The following SIRPD variants were observed in gnomAD, a reference collection of about 807,000 sequenced individuals.
SIRPD encodes the protein signal-regulatory protein delta.
In SIRPD, 21 loss-of-function variants were observed where a neutral mutation model predicts 18.0. That is an observed-to-expected ratio of 1.17 (90% CI 0.83 to 1.68). The LOEUF (loss-of-function observed/expected upper bound fraction) is 1.68. Among genes scored for constraint, SIRPD ranks in the 40% most tolerant of loss-of-function variants. The pLI, the probability that SIRPD is intolerant of heterozygous loss-of-function variation, is 0.00. For missense variants in SIRPD, 295 were observed against 238.4 expected (o/e 1.24, Z -1.56); for synonymous variants, 106 against 92.9 (o/e 1.14, Z -0.81).
chr20:1,552,091 G>T, intron 1 of SIRPD, 53 bp from the exon 2 acceptor site: 1 of 1,475,590 alleles, frequency 6.8e-7, no homozygotes, highest in Non-Finnish European at 9.4e-7. Context: ...GCTTAAGCAT[G>T]GGTACGGGTC....
Position 1,534,459 on chromosome 20 carries a change from T to G in SIRPD, c.578-18A>C, listed in dbSNP as rs1482789862. ...CAGCAAGCCTGAAATACAATAAAAA[T>G]AAAATAAAATAAAACATTTCTCCCT... On this transcript the variant is annotated intron_variant, in intron 3 of 3. Coordinates refer to ENST00000381623, the MANE Select transcript of SIRPD (RefSeq NM_178460.3). 3 of 1,599,770 alleles carry G rather than the reference T, an allele frequency of 1.9e-6. No individual in the cohort carries two copies. The highest frequency in any genetic ancestry group is 2.6e-6 in the Non-Finnish European group (3 of 1,170,556).
chr20:1,551,663 G>C (rs370029585), intron 2 of SIRPD, 28 bp downstream of exon 2: 1 of 1,524,888 alleles, frequency 6.6e-7, no homozygotes, highest in East Asian at 2.3e-5. Flanking sequence ...ATACACCAGG[G>C]GGTATGGGGT....
At chr20:1,536,402 GT>G (rs11340259) in intron 3 of SIRPD, among the ~76,000 whole-genome samples, 125,658 of 137,360 alleles carry the variant, frequency 0.91, 57,435 homozygotes, top group Middle Eastern at 0.95. Context: ...CCGGCCTGTC[GT>G]TTTTTTTTTT....
At chr20:1,542,621 A>G (rs555119892) in intron 2 of SIRPD, among the ~76,000 whole-genome samples, 115 of 152,244 alleles carry the variant, frequency 7.6e-4, no homozygotes, top group Admixed American at 1.4e-3. Context: ...CTATTTGAAT[A>G]CCCTTTATTT....
intron 2 of SIRPD, among the ~76,000 whole-genome samples, chr20:1,550,969 A>G (rs1037709545): frequency 2.0e-5 from 3 of 152,232 alleles, no homozygotes; most frequent in African/African-American, 7.2e-5. Flanking sequence ...ACACTAAGAA[A>G]AAGGCTTTGG....
chr20:1,539,445 G>T (rs1000918629), intron 2 of SIRPD, among the ~76,000 whole-genome samples: 1 of 152,208 alleles, frequency 6.6e-6, no homozygotes, highest in Non-Finnish European at 1.5e-5. Flanking sequence ...AAGGAGCTGT[G>T]TTTTTCAGTT....
intron 1 of SIRPD, among the ~76,000 whole-genome samples, chr20:1,557,175 C>G (rs890601289): frequency 6.6e-6 from 1 of 152,088 alleles, no homozygotes; most frequent in African/African-American, 2.4e-5. Flanking sequence ...ATCACTTGAG[C>G]CCAGGAGGTG....
chr20:1,540,005 G>A (rs1272132058), intron 2 of SIRPD: 1 of 223,798 alleles, frequency 4.5e-6, no homozygotes, highest in Non-Finnish European at 9.1e-6. Flanking sequence ...CACAGACACT[G>A]GGAGACAGTA....
chr20:1,552,858 T>G (rs1470139104), intron 1 of SIRPD, among the ~76,000 whole-genome samples: 5 of 152,140 alleles, frequency 3.3e-5, no homozygotes, highest in Non-Finnish European at 7.4e-5. Flanking sequence ...TGACATTATG[T>G]AACTTAAGGG....
At position 1,534,494 on chromosome 20, in the gene SIRPD, T is replaced by A. The variant is rs1269347477; in HGVS notation, c.578-53A>T. On this transcript the variant is annotated intron_variant, in intron 3 of 3. Coordinates refer to ENST00000381623, the MANE Select transcript of SIRPD (RefSeq NM_178460.3). ...TAAAACATTTCTCCCTCCTGCAAGC[T>A]AAGAGCAGACACAATTTTTAGAATA... The A allele has an allele frequency of 5.2e-6, 8 of 1,528,204 alleles. No individual in the cohort carries two copies. In the African/African-American group the frequency reaches 9.8e-5, roughly 19 times the overall value. 94.7% of individuals were successfully genotyped at this position (1,528,204 alleles called of 1,614,324 possible).
At chr20:1,535,382 A>G (rs1243961154) in intron 3 of SIRPD, among the ~76,000 whole-genome samples, 1 of 152,176 alleles carries the variant, frequency 6.6e-6, no homozygotes, top group Non-Finnish European at 1.5e-5. Flanking sequence ...TTGAAATTCA[A>G]TCCTCAATGT....
At chr20:1,539,452 AGTT>A (rs2090961247) in intron 2 of SIRPD, among the ~76,000 whole-genome samples, 1 of 152,184 alleles carries the variant, frequency 6.6e-6, no homozygotes, top group Non-Finnish European at 1.5e-5. Context: ...TGTGTTTTTC[AGTT>A]GTTGGGTGCA....
chr20:1,538,843 C>G (rs1248724230), intron 2 of SIRPD, among the ~76,000 whole-genome samples: 2 of 152,156 alleles, frequency 1.3e-5, no homozygotes, highest in Non-Finnish European at 2.9e-5. Flanking sequence ...CAACTGAGAC[C>G]CCAGGCAACA....
chr20:1,547,379 A>G (rs2090998073), intron 2 of SIRPD, among the ~76,000 whole-genome samples: 1 of 152,092 alleles, frequency 6.6e-6, no homozygotes, highest in Non-Finnish European at 1.5e-5. Context: ...CCAGTACCAC[A>G]TTATCTTGAT....
rs376805676 is a variant in SIRPD at position 1,551,761 on chromosome 20, G to T, written c.351C>A (p.Cys117Ter). The change falls in exon 2 of 4, where the codon TGC (cysteine) becomes TGA (stop). Residue 117 changes from cysteine (C) to a stop codon, truncating the protein, a stop_gained. Coordinates refer to ENST00000381623, the MANE Select transcript of SIRPD (RefSeq NM_178460.3). LOFTEE classifies it high-confidence loss of function. The part of the protein sequence containing the change: ...ISLADAGTYY[C>*]VKFIKGRAIK... ...TAGCTCTTCCTTTTATGAACTTCAC[G>T]CAGTAATAGGTGCCAGCATCAGCAA... The T allele has an allele frequency of 4.3e-6, 7 of 1,613,930 alleles. No individual in the cohort carries two copies. Among genetic ancestry groups the T allele is most frequent in the Non-Finnish European group, 5.9e-6 (7 of 1,179,958 alleles).
At chr20:1,535,715 T>C (rs946637123) in intron 3 of SIRPD, among the ~76,000 whole-genome samples, 2 of 152,220 alleles carry the variant, frequency 1.3e-5, no homozygotes, top group Non-Finnish European at 2.9e-5. Flanking sequence ...TCATGTATTC[T>C]ATTCTAAGCA....
chr20:1,551,090 T>C (rs1243929420), intron 2 of SIRPD, among the ~76,000 whole-genome samples: 2 of 152,222 alleles, frequency 1.3e-5, no homozygotes, highest in Admixed American at 6.5e-5. Flanking sequence ...TTTAAGCAAA[T>C]TGGCTTAGCA....
intron 1 of SIRPD, 129 bp from the exon 2 acceptor site, chr20:1,552,167 G>C: frequency 1.3e-6 from 1 of 758,548 alleles, no homozygotes; most frequent in East Asian, 2.7e-5. Flanking sequence ...TGAGTAAAGA[G>C]AGGCCTTTGC....
chr20:1,549,095 A>C (rs2091006789), intron 2 of SIRPD, among the ~76,000 whole-genome samples: 1 of 151,996 alleles, frequency 6.6e-6, no homozygotes, highest in Non-Finnish European at 1.5e-5. Flanking sequence ...AAATTTGCTA[A>C]ATCTGCTTCT....
Sources: gnomAD v4.1 joint callset for allele counts (sites outside exome capture counted in the v4.1 genomes callset) on GRCh38, gnomAD v4.1.1 for gene constraint, MANE v1.5 for transcripts, NCBI Gene and HGNC (gene_info 2026-07-23, HGNC 2026-07-21) for gene names.